The following SLC1A2 variants were observed in gnomAD, a reference collection of about 807,000 sequenced individuals.
SLC1A2 encodes solute carrier family 1 member 2, also known as excitatory amino acid transporter 2.
SLC1A2 carries 15 observed loss-of-function variants against 48.8 expected under a neutral mutation model. The observed-to-expected ratio is 0.31, with a 90% confidence interval of 0.21 to 0.47. SLC1A2 has a LOEUF of 0.47. Among genes scored for constraint, SLC1A2 ranks in the 20% least tolerant of loss-of-function variants. The probability of loss-of-function intolerance (pLI) is 0.99; values close to 1 mark genes in which losing one functional copy is unlikely to be tolerated. For missense variants in SLC1A2, 502 were observed against 730.5 expected, an observed-to-expected ratio of 0.69 and a Z score of 3.61; for synonymous variants, 279 against 272.6, an observed-to-expected ratio of 1.02 and a Z score of -0.23.
At chr11:35,415,813 C>A (rs1855587033) in intron 1 of SLC1A2, among the ~76,000 whole-genome samples, 1 of 152,188 alleles carries the variant, frequency 6.6e-6, no homozygotes, top group Non-Finnish European at 1.5e-5. Flanking sequence ...GGGTCTCTGA[C>A]ATACAGAGTG....
At chr11:35,382,310 C>A (rs1415307204) in intron 1 of SLC1A2, among the ~76,000 whole-genome samples, 1 of 152,118 alleles carries the variant, frequency 6.6e-6, no homozygotes, top group East Asian at 1.9e-4. Flanking sequence ...TTCTGTTAAA[C>A]CTATTTTGTT....
chr11:35,261,362 T>C (rs902572371), intron 10 of SLC1A2, among the ~76,000 whole-genome samples: 3 of 152,200 alleles, frequency 2.0e-5, no homozygotes, highest in African/African-American at 7.2e-5. Context: ...TACTCATGCA[T>C]GTGAAAGGTT....
At chr11:35,322,882 GA>G (rs3215690) in intron 1 of SLC1A2, 7,340 of 632,988 alleles carry the variant, frequency 0.012, 294 homozygotes, top group East Asian at 0.11. Flanking sequence ...AAAAGGGCCT[GA>G]AACTCTAAGA....
intron 9 of SLC1A2, among the ~76,000 whole-genome samples, chr11:35,269,839 G>C (rs766474783): frequency 6.6e-6 from 1 of 152,238 alleles, no homozygotes; most frequent in Non-Finnish European, 1.5e-5. Flanking sequence ...GCCGGATGCA[G>C]TGGCTCACGC....
At chr11:35,351,923 C>T (rs1418663644) in intron 1 of SLC1A2, among the ~76,000 whole-genome samples, 10 of 152,174 alleles carry the variant, frequency 6.6e-5, no homozygotes, top group South Asian at 4.1e-4. Context: ...CGTGAGTCAC[C>T]GCATCTGGCC....
At chr11:35,297,086 T>C (rs1851198466) in intron 6 of SLC1A2, among the ~76,000 whole-genome samples, 1 of 152,146 alleles carries the variant, frequency 6.6e-6, no homozygotes. Context: ...CAAACTTCAG[T>C]TAGGCGTCTG....
chr11:35,300,410 G>C (rs1232952063), intron 6 of SLC1A2, among the ~76,000 whole-genome samples: 1 of 152,238 alleles, frequency 6.6e-6, no homozygotes. Context: ...GTGTTAAGAG[G>C]TGAACCATCT....
chr11:35,418,748 T>C (rs1414557374), intron 1 of SLC1A2: 4 of 578,780 alleles, frequency 6.9e-6, no homozygotes, highest in Non-Finnish European at 9.3e-6. Flanking sequence ...CCTCCACCTC[T>C]CGCATTTTCA....
chr11:35,344,507 G>A (rs1852958001), intron 1 of SLC1A2, among the ~76,000 whole-genome samples: 3 of 152,162 alleles, frequency 2.0e-5, no homozygotes, highest in Admixed American at 2.0e-4. Context: ...ATGGGATTAT[G>A]GAACTCTCCC....
At chr11:35,375,945 A>C (rs1409681464) in intron 1 of SLC1A2, among the ~76,000 whole-genome samples, 1 of 152,214 alleles carries the variant, frequency 6.6e-6, no homozygotes, top group South Asian at 2.1e-4. Context: ...AAAGTCACAC[A>C]GCAGGTAAGT....
At chr11:35,282,478 C>A (rs1396973776) in intron 8 of SLC1A2, among the ~76,000 whole-genome samples, 1 of 152,190 alleles carries the variant, frequency 6.6e-6, no homozygotes, top group Non-Finnish European at 1.5e-5. Context: ...AATGCACTTA[C>A]AAGAGGCTGG....
rs542887539 is a variant in SLC1A2, at chr11:35,307,534, A to G, written c.562-1292T>C. On this transcript the variant is annotated intron_variant, in intron 4 of 10. Coordinates refer to ENST00000278379, the MANE Select transcript of SLC1A2 (RefSeq NM_004171.4). ...AAACACCACCTCCAGGGGCATTAAA[A>G]TAGAACTCAATGCAGAATCCTAGAT... Among the ~76,000 whole-genome samples, 149 of 152,360 alleles carry G rather than the reference A, an allele frequency of 9.8e-4. 2 individuals are homozygous for G. The highest frequency in any genetic ancestry group is 3.5e-3 in the African/African-American group (144 of 41,590).
At chr11:35,373,215 A>G (rs1854114522) in intron 1 of SLC1A2, among the ~76,000 whole-genome samples, 1 of 152,208 alleles carries the variant, frequency 6.6e-6, no homozygotes, top group Non-Finnish European at 1.5e-5. Flanking sequence ...AGGGCGTGTG[A>G]GATGGTGGCC....
chr11:35,344,433 G>A (rs1387558282), intron 1 of SLC1A2, among the ~76,000 whole-genome samples: 2 of 152,168 alleles, frequency 1.3e-5, no homozygotes, highest in African/African-American at 4.8e-5. Context: ...CTTGGTATAT[G>A]CTACAAATAG....
upstream of SLC1A2, chr11:35,419,765 G>A: frequency 3.6e-6 from 1 of 279,318 alleles, no homozygotes; most frequent in South Asian, 3.1e-5. The surrounding 1 kb of genome is among the most constrained non-coding windows in gnomAD (Gnocchi z 5.4). Flanking sequence ...CCTGAAGCCC[G>A]CGTGGCCCCA....
chr11:35,365,859 TG>T (rs1405533160), intron 1 of SLC1A2, among the ~76,000 whole-genome samples: 4 of 152,102 alleles, frequency 2.6e-5, no homozygotes, highest in African/African-American at 9.7e-5. Context: ...TCTACAGGGG[TG>T]ACTTTTCCCC....
chr11:35,340,365 C>G (rs61454047), intron 1 of SLC1A2, among the ~76,000 whole-genome samples: 22,671 of 152,228 alleles, frequency 0.15, 1,956 homozygotes, highest in African/African-American at 0.22. Context: ...AGTCTGGCCT[C>G]TAAGGGACTT....
At chr11:35,347,392 C>T (rs1853078213) in intron 1 of SLC1A2, among the ~76,000 whole-genome samples, 1 of 152,144 alleles carries the variant, frequency 6.6e-6, no homozygotes, top group South Asian at 2.1e-4. Context: ...GGCATTTGGA[C>T]CACTTTAAAG....
At chr11:35,295,379 C>G (rs1234194813) in intron 6 of SLC1A2, among the ~76,000 whole-genome samples, 2 of 152,200 alleles carry the variant, frequency 1.3e-5, no homozygotes, top group African/African-American at 4.8e-5. Context: ...TAGGCCTTCA[C>G]TCCGAAACTG....
Sources: allele counts gnomAD v4.1 joint callset (sites outside exome capture counted in the v4.1 genomes callset), GRCh38; gene constraint gnomAD v4.1.1; non-coding constraint Gnocchi (gnomAD v3.1); transcripts MANE v1.5; gene names NCBI Gene and HGNC (gene_info 2026-07-23, HGNC 2026-07-21).